Variants in INPP5B observed in about 807,000 individuals in gnomAD.
INPP5B encodes type II inositol 1,4,5-trisphosphate 5-phosphatase.
INPP5B carries 90 observed loss-of-function variants against 118.5 expected under a neutral mutation model. That is an observed-to-expected ratio of 0.76 (90% CI 0.64 to 0.90). The LOEUF (loss-of-function observed/expected upper bound fraction) is 0.90. Among genes scored for constraint, INPP5B ranks in the 40% least tolerant of loss-of-function variants. The pLI is 0.00. For synonymous variants in INPP5B, 385 were observed against 418.9 expected (o/e 0.92, Z 0.99); for missense variants, 984 against 1,125.6 (o/e 0.87, Z 1.80).
At chr1:37,915,144 TAGAC>T (rs1644823057) in intron 7 of INPP5B, among the ~76,000 whole-genome samples, 2 of 152,170 alleles carry the variant, frequency 1.3e-5, no homozygotes, top group African/African-American at 4.8e-5. Flanking sequence ...CCTCACTAAA[TAGAC>T]AGTGTTGACC....
chr1:37,896,174 G>A (rs1249253900), intron 7 of INPP5B, among the ~76,000 whole-genome samples: 49 of 150,356 alleles, frequency 3.3e-4, no homozygotes, highest in Admixed American at 2.6e-3. Context: ...CGCCCCGTCC[G>A]GGATGTGAGG....
chr1:37,899,934 T>C (rs964115202), intron 7 of INPP5B, among the ~76,000 whole-genome samples: 15 of 152,046 alleles, frequency 9.9e-5, no homozygotes, highest in African/African-American at 3.4e-4. Context: ...CGGGATGATC[T>C]CGGTCTCCTG....
chr1:37,869,604 C>T (rs1165508865), intron 19 of INPP5B, among the ~76,000 whole-genome samples: 2 of 152,034 alleles, frequency 1.3e-5, no homozygotes, highest in South Asian at 2.1e-4. Flanking sequence ...CTCAGCCTCC[C>T]GAGCAGCTGG....
rs61751229 is a variant in INPP5B at position 37,945,855 on chromosome 1, G to A, written c.58-5C>T. 5,556 of 1,613,650 alleles carry A rather than the reference G, an allele frequency of 3.4e-3. 148 individuals are homozygous for A. In the African/African-American group the frequency reaches 0.063, roughly 18 times the overall value. On this transcript the variant is annotated splice_region_variant and splice_polypyrimidine_tract_variant and intron_variant, in intron 2 of 23. Coordinates refer to ENST00000373024, the MANE Select transcript of INPP5B (RefSeq NM_005540.3). The stretch of plus-strand genomic sequence containing the variant: ...ACACAGCACACCTTGCACCGCCTGC[G>A]GCTCAGAGTCAAGGGAAGACAACCC...
At position 37,869,624 on chromosome 1, in the gene INPP5B, C is replaced by T. The variant is rs1236303857; in HGVS notation, c.2188-1010G>A. On this transcript the variant is annotated intron_variant, in intron 19 of 23. Transcript: ENST00000373024. ...CCTCCCGAGCAGCTGGGAATACAGG[C>T]GCCCACCACTGCACCCAGCTAATTT... is the stretch of plus-strand genomic sequence containing the variant. Among the ~76,000 whole-genome samples the T allele has an allele frequency of 2.0e-5, 3 of 152,006 alleles. No individual in the cohort carries two copies. In the East Asian group the frequency reaches 5.8e-4, roughly 29 times the overall value.
chr1:37,920,671 A>G (rs1469213778), intron 7 of INPP5B, among the ~76,000 whole-genome samples: 1 of 133,966 alleles, frequency 7.5e-6, no homozygotes, highest in Admixed American at 7.4e-5. Flanking sequence ...TCTCAAAAAA[A>G]AAAAAGAAGA....
intron 17 of INPP5B, 63 bp from the exon 18 acceptor site, chr1:37,874,218 C>A: frequency 8.0e-7 from 1 of 1,243,592 alleles, no homozygotes; most frequent in Non-Finnish European, 1.1e-6. Context: ...GCCCAGCCAC[C>A]CCAACTGGGC....
chr1:37,935,133 G>A (rs1645636168), intron 6 of INPP5B, among the ~76,000 whole-genome samples: 1 of 146,390 alleles, frequency 6.8e-6, no homozygotes, highest in African/African-American at 2.5e-5. Context: ...CCCAGGAGGC[G>A]GAGCTTGCAG....
At chr1:37,924,176 CTT>C (rs535858609) in intron 7 of INPP5B, among the ~76,000 whole-genome samples, 2 of 138,238 alleles carry the variant, frequency 1.4e-5, no homozygotes, top group Non-Finnish European at 1.6e-5. Flanking sequence ...ATTTCTTTTT[CTT>C]TTTTTTTTTT....
chr1:37,887,450 A>C lies in INPP5B; in HGVS notation c.915T>G (p.Asp305Glu), dbSNP rs745495000. The C allele has an allele frequency of 3.7e-6, 6 of 1,608,558 alleles. No individual in the cohort carries two copies. The Admixed American group carries it at 1.0e-4, about 27-fold the overall frequency. The change falls in exon 11 of 24, where the codon GAT becomes GAG. Residue 305 changes from aspartate (D) to glutamate (E), a missense_variant. By Grantham distance (45) the Asp-to-Glu change is conservative (BLOSUM62 2). Transcript: ENST00000373024. The part of the protein sequence containing the change: ...DVYCVGFQEL[D>E]LSKEAFFFHD... ...GAAAGAAAAAAGCTTCCTTACTCAG[A>C]TCAAGCTCCTGGAACCTATTTTGAG...
chr1:37,876,642 G>A (rs1305430118), intron 16 of INPP5B, among the ~76,000 whole-genome samples: 2 of 141,412 alleles, frequency 1.4e-5, no homozygotes, highest in African/African-American at 2.6e-5. Context: ...GGCATATCAC[G>A]AGGTCAGGAG....
At chr1:37,906,926 T>C (rs1458159572) in intron 7 of INPP5B, among the ~76,000 whole-genome samples, 1 of 151,662 alleles carries the variant, frequency 6.6e-6, no homozygotes, top group Admixed American at 6.6e-5. Flanking sequence ...TCATCAGTTG[T>C]GTTTACGTTT....
At chr1:37,917,302 A>T (rs1033152756) in intron 7 of INPP5B, among the ~76,000 whole-genome samples, 6 of 40,862 alleles carry the variant, frequency 1.5e-4, no homozygotes, top group East Asian at 1.4e-3. Context: ...GGAAAAAAAA[A>T]AATAATTATA....
intron 19 of INPP5B, among the ~76,000 whole-genome samples, chr1:37,868,932 T>A (rs1458614669): frequency 6.6e-6 from 1 of 152,202 alleles, no homozygotes; most frequent in Non-Finnish European, 1.5e-5. Flanking sequence ...AGCACAGACT[T>A]GGGAGTCCAA....
In INPP5B at chr1:37,874,113, A is replaced by C; in HGVS notation, c.1831T>G (p.Ser611Ala). The C allele has an allele frequency of 6.3e-7, 1 of 1,596,346 alleles. No homozygotes were observed. Among genetic ancestry groups the C allele is most frequent in the Non-Finnish European group, 8.6e-7 (1 of 1,166,728 alleles). ...ACTTGTCCATTATGAATTGTAAAGG[A>C]TTCTACTTTCAATTGCATGTACTTC... ...NVKYMQLKVE[S>A]FTIHNGQVPC... is the part of the protein sequence containing the mutation. The change falls in exon 18 of 24, where the codon TCC becomes GCC. Residue 611 changes from serine to alanine, a missense_variant. Ser to Ala is a moderately conservative substitution (Grantham distance 99). This residue lies in a region of INPP5B where 634 missense variants were observed against 791.0 expected (regional missense o/e 0.80). Coordinates refer to ENST00000373024, the MANE Select transcript of INPP5B (RefSeq NM_005540.3).
intron 7 of INPP5B, among the ~76,000 whole-genome samples, chr1:37,906,299 G>A (rs533290189): frequency 6.6e-6 from 1 of 152,286 alleles, no homozygotes; most frequent in East Asian, 1.9e-4. Flanking sequence ...GGAACCTCAA[G>A]AGGAGAGAAA....
chr1:37,864,371 G>C lies in INPP5B; in HGVS notation c.2567C>G (p.Ala856Gly), dbSNP rs181387075. The change falls in exon 23 of 24, where the codon GCG becomes GGG. Residue 856 changes from alanine (A) to glycine (G), a missense_variant. Physicochemically the swap from Ala to Gly is moderately conservative, Grantham distance 60 (BLOSUM62 0). This residue lies in a region of INPP5B where 634 missense variants were observed against 791.0 expected (regional missense o/e 0.80). Transcript: ENST00000373024. ...ATTTTTCAGCAGTTCTCGCAAAAAC[G>C]CCATCAAGTAGTGGAAGACATTTTT... ...FHKNVFHYLM[A>G]FLRELLKNSA... is the part of the protein sequence containing the mutation. 1 of 1,613,232 alleles carries C rather than the reference G, an allele frequency of 6.2e-7. No individual in the cohort carries two copies.
chr1:37,941,043 G>A (rs925866448), intron 5 of INPP5B, among the ~76,000 whole-genome samples: 1 of 152,074 alleles, frequency 6.6e-6, no homozygotes, highest in East Asian at 1.9e-4. Flanking sequence ...AGCCTCAACT[G>A]CAGTACTAGA....
intron 14 of INPP5B, 77 bp downstream of exon 14, chr1:37,882,730 A>C: frequency 9.1e-7 from 1 of 1,103,490 alleles, no homozygotes; most frequent in Non-Finnish European, 1.4e-6. Flanking sequence ...AGAGGCTGCG[A>C]GTTTGGAAGC....
Sources: gnomAD v4.1 joint callset for allele counts (sites outside exome capture counted in the v4.1 genomes callset) on GRCh38, gnomAD v4.1.1 for gene constraint, gnomAD v4.1.1 regional missense constraint, MANE v1.5 for transcripts, NCBI Gene and HGNC (gene_info 2026-07-23, HGNC 2026-07-21) for gene names.